The following PDGFC variants were observed in gnomAD, a reference collection of about 807,000 sequenced individuals.
The protein encoded by PDGFC is platelet-derived growth factor C.
PDGFC carries 12 observed loss-of-function variants against 35.5 expected under a neutral mutation model. The observed-to-expected ratio is 0.34, with a 90% CI of 0.22 to 0.55. The LOEUF (loss-of-function observed/expected upper bound fraction) is 0.55. Among genes scored for constraint, PDGFC ranks in the 20% least tolerant of loss-of-function variants. PDGFC has a pLI of 0.91. For missense variants in PDGFC, 322 were observed against 412.4 expected (o/e 0.78, Z 1.90); for synonymous variants, 159 against 148.8 (o/e 1.07, Z -0.50).
chr4:156,834,932 A>C (rs972977056), intron 2 of PDGFC, among the ~76,000 whole-genome samples: 1 of 152,236 alleles, frequency 6.6e-6, no homozygotes. Context: ...GCAAAAAAAA[A>C]ACACAACTGA....
At chr4:156,840,738 C>T (rs1729182023) in intron 2 of PDGFC, among the ~76,000 whole-genome samples, 1 of 152,200 alleles carries the variant, frequency 6.6e-6, no homozygotes, top group Admixed American at 6.5e-5. Context: ...TGCAAAGCCA[C>T]AGGGGCAGAG....
intron 1 of PDGFC, among the ~76,000 whole-genome samples, chr4:156,875,905 C>T (rs894981282): frequency 1.3e-5 from 2 of 151,994 alleles, no homozygotes; most frequent in Admixed American, 1.3e-4. Flanking sequence ...TGATTTCGCA[C>T]AGAAAACTGA....
intron 3 of PDGFC, among the ~76,000 whole-genome samples, chr4:156,797,953 GCCCA>G (rs1311821750): frequency 6.6e-6 from 1 of 152,118 alleles, no homozygotes; most frequent in Non-Finnish European, 1.5e-5. Flanking sequence ...ATTTAGGGAG[GCCCA>G]GGTGGGTGGA....
intron 2 of PDGFC, among the ~76,000 whole-genome samples, chr4:156,817,445 C>G (rs148915144): frequency 2.1e-4 from 32 of 151,830 alleles, no homozygotes; most frequent in Non-Finnish European, 3.8e-4. Context: ...GCTAATTAAA[C>G]CTGAAAAATT....
At chr4:156,805,605 A>G (rs1731735676) in intron 3 of PDGFC, among the ~76,000 whole-genome samples, 1 of 151,972 alleles carries the variant, frequency 6.6e-6, no homozygotes, top group Admixed American at 6.6e-5. Flanking sequence ...TTTTCCTAGG[A>G]AAGAAAGTGA....
chr4:156,826,480 G>A (rs1477310148), intron 2 of PDGFC, among the ~76,000 whole-genome samples: 1 of 152,022 alleles, frequency 6.6e-6, no homozygotes, highest in Non-Finnish European at 1.5e-5. Flanking sequence ...TGGGGTACAG[G>A]AATGAGCCAC....
chr4:156,793,664 A>AG (rs1731360379), intron 3 of PDGFC, among the ~76,000 whole-genome samples: 1 of 151,196 alleles, frequency 6.6e-6, no homozygotes, highest in Non-Finnish European at 1.5e-5. Context: ...AATACCAATC[A>AG]GGGGGGCAGT....
chr4:156,901,435 G>C (rs1730780266), intron 1 of PDGFC, among the ~76,000 whole-genome samples: 1 of 152,086 alleles, frequency 6.6e-6, no homozygotes, highest in Non-Finnish European at 1.5e-5. Flanking sequence ...GGGAGACCAG[G>C]AAAGAATGAC....
chr4:156,944,659 T>C (rs556552229), intron 1 of PDGFC, among the ~76,000 whole-genome samples: 1 of 152,216 alleles, frequency 6.6e-6, no homozygotes, highest in East Asian at 1.9e-4. Flanking sequence ...GGCTGGCGCC[T>C]GACAATCCAT....
chr4:156,811,509 G>C (rs1579024541), intron 2 of PDGFC, among the ~76,000 whole-genome samples: 2 of 152,024 alleles, frequency 1.3e-5, no homozygotes, highest in African/African-American at 2.4e-5. Context: ...CACTTCACTT[G>C]GTACTGTTCT....
chr4:156,800,987 G>C (rs752205721), intron 3 of PDGFC, among the ~76,000 whole-genome samples: 1 of 152,166 alleles, frequency 6.6e-6, no homozygotes, highest in Non-Finnish European at 1.5e-5. Context: ...CTTTGTTAAG[G>C]TGTAGAAGTA....
intron 1 of PDGFC, among the ~76,000 whole-genome samples, chr4:156,926,681 C>T (rs921440740): frequency 1.3e-5 from 2 of 152,196 alleles, no homozygotes; most frequent in African/African-American, 2.4e-5. Context: ...GGTAGGTTTC[C>T]CTGGTCTTGC....
At position 156,762,783 on chromosome 4, in the gene PDGFC, C is replaced by T. The variant is rs1333316650; in HGVS notation, c.*307G>A. The T allele has an allele frequency of 4.4e-6, 1 of 227,626 alleles. No individual in the cohort carries two copies. The highest frequency in any genetic ancestry group is 8.5e-5 in the East Asian group (1 of 11,814). 14.1% of individuals were successfully genotyped at this position (227,626 alleles called of 1,614,324 possible). Reference sequence around the variant, plus strand: ...TATCGAAAGAACTGAAATACAGAACCCAGCTAGTGGAATACGTACATGGTA... The same window carrying T: ...TATCGAAAGAACTGAAATACAGAACTCAGCTAGTGGAATACGTACATGGTA... On this transcript the variant is annotated 3_prime_UTR_variant, in exon 6 of 6. Transcript: ENST00000502773.
At chr4:156,867,266 T>C (rs527284176) in intron 1 of PDGFC, among the ~76,000 whole-genome samples, 13 of 152,298 alleles carry the variant, frequency 8.5e-5, no homozygotes, top group South Asian at 2.1e-4. Context: ...CAAATACTCA[T>C]TGACAGGGCA....
intron 2 of PDGFC, among the ~76,000 whole-genome samples, chr4:156,826,647 T>A (rs551571357): frequency 6.6e-6 from 1 of 152,226 alleles, no homozygotes; most frequent in Non-Finnish European, 1.5e-5. Flanking sequence ...GTATTATTGC[T>A]ACATTTGCAA....
At chr4:156,818,749 G>A (rs1449623222) in intron 2 of PDGFC, among the ~76,000 whole-genome samples, 1 of 151,942 alleles carries the variant, frequency 6.6e-6, no homozygotes, top group East Asian at 1.9e-4. Flanking sequence ...TGATCCGCCC[G>A]CCTGGGCCTC....
chr4:156,890,100 G>T (rs550116676), intron 1 of PDGFC, among the ~76,000 whole-genome samples: 1 of 152,158 alleles, frequency 6.6e-6, no homozygotes, highest in East Asian at 1.9e-4. Flanking sequence ...GTTACAGAAA[G>T]GGAGGGCACT....
intron 1 of PDGFC, among the ~76,000 whole-genome samples, chr4:156,946,879 A>C (rs1731961865): frequency 6.6e-6 from 1 of 152,164 alleles, no homozygotes; most frequent in South Asian, 2.1e-4. Context: ...CAAAAGCAGT[A>C]AGAAGACATC....
chr4:156,903,774 A>G (rs1234267782), intron 1 of PDGFC, among the ~76,000 whole-genome samples: 1 of 152,166 alleles, frequency 6.6e-6, no homozygotes, highest in Non-Finnish European at 1.5e-5. Flanking sequence ...AAAACGAGTA[A>G]TTCTGTAGAA....
Sources: allele counts gnomAD v4.1 joint callset (sites outside exome capture counted in the v4.1 genomes callset), GRCh38; gene constraint gnomAD v4.1.1; transcripts MANE v1.5; gene names NCBI Gene and HGNC (gene_info 2026-07-23, HGNC 2026-07-21).